The following PCM1 variants were observed in gnomAD, a reference collection of about 807,000 sequenced individuals.
The protein encoded by PCM1 is pericentriolar material 1 protein.
In PCM1, 157 loss-of-function variants were observed where a neutral mutation model predicts 241.9. The ratio of observed to expected loss-of-function variants is 0.65; its 90% CI spans 0.57 to 0.74. The LOEUF (loss-of-function observed/expected upper bound fraction) is 0.74, where lower values mean the gene tolerates loss of function less well. Among genes scored for constraint, PCM1 ranks in the 30% least tolerant of loss-of-function variants. The pLI is 0.00. For missense variants in PCM1, 3,478 were observed against 2,360.1 expected (o/e 1.47, Z -9.81); for synonymous variants, 1,085 against 784.9 (o/e 1.38, Z -6.39).
In PCM1 at chr8:17,937,144, C is replaced by T; in HGVS notation, c.107C>T (p.Ala36Val). Residue 36 changes from alanine (A) to valine (V), a missense_variant, in exon 4 of 39, where the codon GCC (alanine) becomes GTC (valine). Coordinates refer to ENST00000325083, the MANE Select transcript of PCM1 (RefSeq NM_006197.4). ...TTTACTTTTTTAAAGGATTGGGGTGCCCAACAGAAGAAAGCAAATAGATCA... is the reference window on the plus strand; with the variant it reads ...TTTACTTTTTTAAAGGATTGGGGTGTCCAACAGAAGAAAGCAAATAGATCA... ...DDRLNNMDWG[A>V]QQKKANRSSE... 1.3e-6 allele frequency: 2 copies of T among 1,561,478 alleles called. No individual in the cohort carries two copies. The highest frequency in any genetic ancestry group is 1.7e-6 in the Non-Finnish European group (2 of 1,151,520).
rs2082483907 is a variant in PCM1, at chr8:17,986,081, T to G, written c.4404T>G (p.Thr1468=). The change falls in exon 26 of 39, where the codon ACT becomes ACG. Residue 1468 remains threonine (T), a synonymous_variant. Coordinates refer to ENST00000325083, the MANE Select transcript of PCM1 (RefSeq NM_006197.4). ...CTCCTAGTGAGAGCCTTGCTACTAC[T>G]GATGATGTAAGCTGATAATGATTAG... The part of the protein sequence containing the change: ...ELTPSESLAT[T]DDETFEKNFE... 2.5e-6 allele frequency: 4 copies of G among 1,573,740 alleles called. No individual in the cohort carries two copies. The highest frequency in any genetic ancestry group is 2.6e-6 in the Non-Finnish European group (3 of 1,160,970).
At chr8:17,949,857 A>G (rs2129457801) in intron 7 of PCM1, among the ~76,000 whole-genome samples, 1 of 152,346 alleles carries the variant, frequency 6.6e-6, no homozygotes, top group South Asian at 2.1e-4. Flanking sequence ...GTTATTTGTT[A>G]GTAGAACAGT....
At chr8:17,946,574 G>A (rs2063842847) in intron 6 of PCM1, among the ~76,000 whole-genome samples, 3 of 151,694 alleles carry the variant, frequency 2.0e-5, no homozygotes, top group South Asian at 2.1e-4. Context: ...TCAGCTCACT[G>A]CAATCTCTAC....
intron 21 of PCM1, among the ~76,000 whole-genome samples, chr8:17,968,464 CCTT>C (rs2075718115): frequency 6.6e-6 from 1 of 152,020 alleles, no homozygotes; most frequent in Non-Finnish European, 1.5e-5. Flanking sequence ...GATAGCTTGG[CCTT>C]AGGCCTTGTC....
Position 17,990,045 on chromosome 8 carries a change from C to T in PCM1, c.4531+66C>T, listed in dbSNP as rs1288712098. Reference sequence around the variant, plus strand: ...TGATCTGGTCCAGTCTTTGAATTGGCGTTGATAAGGAAACAAGTCTAGAAA... The same window carrying T: ...TGATCTGGTCCAGTCTTTGAATTGGTGTTGATAAGGAAACAAGTCTAGAAA... On this transcript the variant is annotated intron_variant, in intron 27 of 38. Coordinates refer to ENST00000325083, the MANE Select transcript of PCM1 (RefSeq NM_006197.4). 7.6e-6 allele frequency: 10 copies of T among 1,309,710 alleles called. No homozygotes were observed. In the East Asian group the frequency reaches 2.1e-4, roughly 28 times the overall value. 81.1% of individuals were successfully genotyped at this position (1,309,710 alleles called of 1,614,324 possible).
chr8:18,002,821 G>A (rs1390021905), intron 29 of PCM1, among the ~76,000 whole-genome samples: 1 of 121,206 alleles, frequency 8.3e-6, no homozygotes, highest in Non-Finnish European at 1.6e-5. Flanking sequence ...TTCTCTGATG[G>A]TCAGTGATGA....
chr8:17,996,405 A>G (rs369720767), intron 29 of PCM1, among the ~76,000 whole-genome samples: 1 of 152,190 alleles, frequency 6.6e-6, no homozygotes, highest in East Asian at 1.9e-4. Context: ...ACGATGGATC[A>G]TCTTTTTAAT....
At chr8:17,994,756 C>T (rs751789155) in intron 29 of PCM1, among the ~76,000 whole-genome samples, 5 of 146,188 alleles carry the variant, frequency 3.4e-5, no homozygotes, top group South Asian at 2.1e-4. Flanking sequence ...GATGATTTCT[C>T]GTTGTAGTTT....
intron 23 of PCM1, among the ~76,000 whole-genome samples, chr8:17,975,325 G>A (rs1475846415): frequency 1.3e-5 from 2 of 151,942 alleles, no homozygotes; most frequent in African/African-American, 2.4e-5. Context: ...CACCACACCC[G>A]GCTAATTTTG....
chr8:18,012,745 A>C (rs1482658757), intron 34 of PCM1, among the ~76,000 whole-genome samples: 4 of 152,030 alleles, frequency 2.6e-5, no homozygotes, highest in Non-Finnish European at 4.4e-5. Flanking sequence ...TAATTATCAG[A>C]TATTATTAGT....
chr8:17,995,282 G>C (rs1367763927), intron 29 of PCM1, among the ~76,000 whole-genome samples: 1 of 151,450 alleles, frequency 6.6e-6, no homozygotes, highest in Non-Finnish European at 1.5e-5. Flanking sequence ...ATTGTGAAGA[G>C]ACTGTCTTTT....
intron 36 of PCM1, 99 bp downstream of exon 36, chr8:18,014,939 T>TTTAGGTTTAGAACATG: frequency 9.2e-7 from 1 of 1,083,480 alleles, no homozygotes; most frequent in Non-Finnish European, 1.3e-6. Flanking sequence ...CCATTTTGTG[T>TTTAGGTTTAGAACATG]TTAGGTTTAG....
intron 28 of PCM1, among the ~76,000 whole-genome samples, chr8:17,993,088 T>C (rs1044313153): frequency 6.6e-6 from 1 of 152,138 alleles, no homozygotes; most frequent in Admixed American, 6.5e-5. Flanking sequence ...CAGAAACTTT[T>C]TAGTTTAAGT....
intron 29 of PCM1, among the ~76,000 whole-genome samples, chr8:18,005,360 T>TG (rs1340964608): frequency 1.3e-5 from 2 of 149,428 alleles, no homozygotes; most frequent in Non-Finnish European, 3.0e-5. Context: ...TGTTGTTGTT[T>TG]TTTTTTTTTT....
At chr8:17,968,055 C>CAAAA in intron 21 of PCM1, among the ~76,000 whole-genome samples, 1 of 112,018 alleles carries the variant, frequency 8.9e-6, no homozygotes. Context: ...GTTCCGCCGC[C>CAAAA]AAAAAAAAAA....
chr8:17,948,957 C>G lies in PCM1; in HGVS notation c.961+1594C>G, dbSNP rs1279704458. Among the ~76,000 whole-genome samples, 3 of 152,134 alleles carry G rather than the reference C, an allele frequency of 2.0e-5. No homozygotes were observed. In the South Asian group the frequency reaches 6.2e-4, roughly 31 times the overall value. On this transcript the variant is annotated intron_variant, in intron 7 of 38. Transcript: ENST00000325083. ...TTATTTCTGTTTTATAGAGAAGGAA[C>G]TCTACAGAGTTTGTGGCTTGCCTAG...
At chr8:17,971,190 T>G (rs1264248579) in intron 22 of PCM1, among the ~76,000 whole-genome samples, 1 of 152,238 alleles carries the variant, frequency 6.6e-6, no homozygotes, top group African/African-American at 2.4e-5. Context: ...ATAAAAGCCA[T>G]TCTTAGCTCT....
At chr8:18,014,107 AAAAAC>A in intron 35 of PCM1, 71 bp downstream of exon 35, 1 of 839,146 alleles carries the variant, frequency 1.2e-6, no homozygotes, top group Non-Finnish European at 1.9e-6. Flanking sequence ...AAAAAAAAAA[AAAAAC>A]ACACACAGAA....
intron 22 of PCM1, among the ~76,000 whole-genome samples, chr8:17,970,930 C>G (rs1043007715): frequency 6.6e-6 from 1 of 152,024 alleles, no homozygotes; most frequent in African/African-American, 2.4e-5. Flanking sequence ...ATCCTGTAGT[C>G]TTATTCAGGG....
Sources: allele counts gnomAD v4.1 joint callset (sites outside exome capture counted in the v4.1 genomes callset), GRCh38; gene constraint gnomAD v4.1.1; transcripts MANE v1.5; gene names NCBI Gene and HGNC (gene_info 2026-07-23, HGNC 2026-07-21).